The following TWF2 variants were observed in gnomAD, a reference collection of about 807,000 sequenced individuals.
The protein encoded by TWF2 is twinfilin-2.
Under a neutral mutation model 45.1 loss-of-function variants are expected in TWF2, and 15 were observed. The observed-to-expected ratio is 0.33, with a 90% confidence interval of 0.22 to 0.51. The LOEUF is 0.51. TWF2 is among the 20% of genes least tolerant of loss of function. The pLI, the probability that TWF2 is intolerant of heterozygous loss-of-function variation, is 0.97. For missense variants in TWF2, 423 were observed against 469.1 expected, an observed-to-expected ratio of 0.90 and a Z score of 0.91; for synonymous variants, 177 against 195.8, an observed-to-expected ratio of 0.90 and a Z score of 0.80.
chr3:52,237,397 C>T (rs189181652), intron 1 of TWF2, among the ~76,000 whole-genome samples: 15 of 152,374 alleles, frequency 9.8e-5, no homozygotes, highest in Admixed American at 6.5e-4. Context: ...CAGGACAGGG[C>T]TGGCACCTGG....
chr3:52,230,738 C>G, intron 6 of TWF2, 132 bp downstream of exon 6: 1 of 1,364,668 alleles, frequency 7.3e-7, no homozygotes, highest in Non-Finnish European at 9.8e-7. Context: ...TGTGTTCCCA[C>G]AAGCACATGG....
intron 4 of TWF2, 57 bp downstream of exon 4, chr3:52,231,387 G>C (rs763215367): frequency 7.8e-5 from 124 of 1,597,010 alleles, no homozygotes; most frequent in Non-Finnish European, 1.0e-4. Flanking sequence ...ACCCTGCACA[G>C]TGACCCCTCT....
chr3:52,234,288 C>T (rs1699705764), intron 2 of TWF2, among the ~76,000 whole-genome samples: 1 of 152,168 alleles, frequency 6.6e-6, no homozygotes, highest in Non-Finnish European at 1.5e-5. Flanking sequence ...TGGCCCACCC[C>T]AGTCCCAAAG....
In TWF2 at chr3:52,235,923, G is replaced by C. The variant is rs533571626; in HGVS notation, c.26-817C>G. Among the ~76,000 whole-genome samples the C allele has an allele frequency of 6.6e-5, 10 of 152,304 alleles. No homozygotes were observed. In the South Asian group the frequency reaches 2.1e-3, roughly 32 times the overall value. ...AGCCAGCCCAGATACAGCCCTGTGG[G>C]GGGTGGGGGGACAACATGACCTTAA... On this transcript the variant is annotated intron_variant, in intron 1 of 8. Coordinates refer to ENST00000305533, the MANE Select transcript of TWF2 (RefSeq NM_007284.4).
Position 52,235,166 on chromosome 3 carries a change from G to C in TWF2, c.26-60C>G, listed in dbSNP as rs567740793. On this transcript the variant is annotated intron_variant, in intron 1 of 8. Transcript: ENST00000305533. ...GGCAGAGTGGACAGAGACGAGTATG[G>C]GGCCTGCTCTGTCCCACAGGGTCTG... 3.2e-6 allele frequency: 5 copies of C among 1,551,506 alleles called. No individual in the cohort carries two copies. The Admixed American group carries it at 6.8e-5, about 21-fold the overall frequency.
chr3:52,229,555 C>G, intron 8 of TWF2, 106 bp downstream of exon 8: 1 of 1,529,284 alleles, frequency 6.5e-7, no homozygotes, highest in Non-Finnish European at 8.8e-7. Context: ...ATGATCAACA[C>G]GACAGCAACG....
chr3:52,230,504 G>A (rs1486894522), intron 6 of TWF2, among the ~76,000 whole-genome samples: 1 of 152,184 alleles, frequency 6.6e-6, no homozygotes, highest in African/African-American at 2.4e-5. Context: ...AAACGGGGTG[G>A]TCAAGGAGAC....
intron 4 of TWF2, 103 bp downstream of exon 4, chr3:52,231,341 A>ATCTTCCT: frequency 6.4e-7 from 1 of 1,572,644 alleles, no homozygotes; most frequent in Non-Finnish European, 8.7e-7. Flanking sequence ...CAGCGCCCCC[A>ATCTTCCT]TCTTCCTCCC....
In TWF2 at chr3:52,229,511, C is replaced by T. The variant is rs573646225; in HGVS notation, c.882+150G>A. 8.7e-5 allele frequency: 117 copies of T among 1,342,020 alleles called. 1 individual carries two copies. The Middle Eastern group carries it at 3.0e-3, about 35-fold the overall frequency. 83.1% of individuals were successfully genotyped at this position (1,342,020 alleles called of 1,614,324 possible). A position where few individuals can be genotyped will look rare whatever the true frequency, so the allele number is the denominator to read the frequency against. ...CACCGATCAGCTGGGCAGCCTTGGG[C>T]CATGCGTGTTGCTCCTTGGGCCTCA... On this transcript the variant is annotated intron_variant, in intron 8 of 8. Coordinates refer to ENST00000305533, the MANE Select transcript of TWF2 (RefSeq NM_007284.4).
At chr3:52,232,349 C>G in intron 2 of TWF2, 1 of 582,404 alleles carries the variant, frequency 1.7e-6, no homozygotes, top group Non-Finnish European at 3.0e-6. Context: ...ATCCCCAGCG[C>G]GTGCACACAC....
chr3:52,231,257 G>A lies in TWF2; in HGVS notation c.379-26C>T, dbSNP rs774961692. ...CTGCAGGGGTGGGGGTGAATGCAGA[G>A]CCATAAATGGGCACCTGGGGATTGG... On this transcript the variant is annotated intron_variant, in intron 4 of 8. Coordinates refer to ENST00000305533, the MANE Select transcript of TWF2 (RefSeq NM_007284.4). 3.1e-6 allele frequency: 5 copies of A among 1,612,436 alleles called. No homozygotes were observed. In the African/African-American group the frequency reaches 4.0e-5, roughly 13 times the overall value.
chr3:52,230,017 A>C lies in TWF2; in HGVS notation c.663T>G (p.Asp221Glu). 6.2e-7 allele frequency: 1 copy of C among 1,611,152 alleles called. No individual in the cohort carries two copies. The highest frequency in any genetic ancestry group is 1.1e-5 in the South Asian group (1 of 90,962). The change falls in exon 7 of 9, where the codon GAT becomes GAG. Residue 221 changes from aspartate to glutamate, a missense_variant. Physicochemically the swap from Asp to Glu is conservative, Grantham distance 45. Coordinates refer to ENST00000305533, the MANE Select transcript of TWF2 (RefSeq NM_007284.4). ...GCACCCGGGAGGGCAGCTGGGCCAC[A>C]TCCGTGGGCTCTGTGTGCACCAGCT... is the stretch of plus-strand genomic sequence containing the variant. ...TIELVHTEPTDVAQLPSRVPR... is the reference protein window; with the variant it reads ...TIELVHTEPTEVAQLPSRVPR...
chr3:52,229,265 G>GCC (rs1480476316), intron 8 of TWF2, 64 bp from the exon 9 acceptor site: 24 of 1,579,564 alleles, frequency 1.5e-5, no homozygotes, highest in Non-Finnish European at 2.0e-5. Context: ...ACCCCTGGTA[G>GCC]CCCCCACTCC....
Position 52,229,126 on chromosome 3 carries a change from T to G in TWF2, c.958A>C (p.Lys320Gln). The stretch of plus-strand genomic sequence containing the variant: ...CCCTTGGGCTTGGCGAAGGCCTGCT[T>G]GAAGGCGTGTTGCTTGGGGTGCACC... ...DEVHPKQHAF[K>Q]QAFAKPKGPG... The change falls in exon 9 of 9, where the codon AAG (lysine) becomes CAG (glutamine). Residue 320 changes from lysine to glutamine, a missense_variant. Physicochemically the swap from Lys to Gln is moderately conservative, Grantham distance 53 (BLOSUM62 1). Coordinates refer to ENST00000305533, the MANE Select transcript of TWF2 (RefSeq NM_007284.4). 6.2e-7 allele frequency: 1 copy of G among 1,613,678 alleles called. No individual in the cohort carries two copies.
Position 52,239,058 on chromosome 3 carries a change from C to A in TWF2, c.-42G>T. ...CCGTCCGCGCCGTCGGAGCCCTCCG[C>A]TTGACCCTGGCCCGGCAACGCTCGC... On this transcript the variant is annotated 5_prime_UTR_variant, in exon 1 of 9. Transcript: ENST00000305533. The A allele has an allele frequency of 6.3e-7, 1 of 1,590,380 alleles. No homozygotes were observed. Among genetic ancestry groups the A allele is most frequent in the South Asian group, 1.1e-5 (1 of 90,076 alleles).
chr3:52,230,945 G>A lies in TWF2; in HGVS notation c.534C>T (p.Leu178=), dbSNP rs779994594. 8.1e-6 allele frequency: 13 copies of A among 1,604,654 alleles called. No individual in the cohort carries two copies. Among genetic ancestry groups the A allele is most frequent in the African/African-American group, 2.7e-5 (2 of 74,668 alleles). ...GGGCCTCAGGCTGCAGGGGGAAGGC[G>A]AGGCCCTGCAGGGTCTGGTGCTTGC... ...VESKHQTLQG[L]AFPLQPEAQR... is the part of the protein sequence containing the mutation. Residue 178 remains leucine, a synonymous_variant, in exon 6 of 9, where the codon CTC becomes CTT. Transcript: ENST00000305533.
chr3:52,230,771 C>T, intron 6 of TWF2, 99 bp downstream of exon 6: 3 of 1,486,336 alleles, frequency 2.0e-6, no homozygotes, highest in East Asian at 2.4e-5. Context: ...GGACAGACTG[C>T]AGGCTGGTGG....
At chr3:52,229,327 C>T (rs1223453827) in intron 8 of TWF2, 126 bp from the exon 9 acceptor site, 2 of 1,321,344 alleles carry the variant, frequency 1.5e-6, no homozygotes, top group Non-Finnish European at 2.0e-6. Flanking sequence ...TGAGGTCTCC[C>T]CTTGATTCCC....
chr3:52,228,882 C>T lies in TWF2; in HGVS notation c.*152G>A. The T allele has an allele frequency of 8.5e-7, 1 of 1,177,978 alleles. No individual in the cohort carries two copies. The highest frequency in any genetic ancestry group is 1.2e-6 in the Non-Finnish European group (1 of 861,596). The allele number at this position is 1,177,978 out of a possible 1,614,324, so 73.0% of individuals were successfully genotyped here. Reference sequence around the variant, plus strand: ...CAGGGAAGGGTCACAAAATGCCAGCCCGGTGGCCCTCGGACGCTGCAAGTG... The same window carrying T: ...CAGGGAAGGGTCACAAAATGCCAGCTCGGTGGCCCTCGGACGCTGCAAGTG... On this transcript the variant is annotated 3_prime_UTR_variant, in exon 9 of 9. Transcript: ENST00000305533.
Sources: gnomAD v4.1 joint callset for allele counts (sites outside exome capture counted in the v4.1 genomes callset) on GRCh38, gnomAD v4.1.1 for gene constraint, MANE v1.5 for transcripts, NCBI Gene and HGNC (gene_info 2026-07-23, HGNC 2026-07-21) for gene names.